The following PLCB1 variants were observed in gnomAD, a reference collection of about 807,000 sequenced individuals.
PLCB1 encodes the protein 1-phosphatidylinositol 4,5-bisphosphate phosphodiesterase beta-1.
In PLCB1, 46 loss-of-function variants were observed where a neutral mutation model predicts 161.8. The observed-to-expected ratio is 0.28, with a 90% CI of 0.22 to 0.36. The LOEUF (loss-of-function observed/expected upper bound fraction) is 0.36, where lower values mean the gene tolerates loss of function less well. PLCB1 is among the 10% of genes least tolerant of loss of function. The pLI is 1.00. For synonymous variants in PLCB1, 517 were observed against 503.7 expected (o/e 1.03, Z -0.35); for missense variants, 1,016 against 1,472.5 (o/e 0.69, Z 5.07).
intron 3 of PLCB1, among the ~76,000 whole-genome samples, chr20:8,541,811 A>T (rs1401667040): frequency 6.6e-6 from 1 of 152,208 alleles, no homozygotes; most frequent in Non-Finnish European, 1.5e-5. Context: ...CAATGTCTCA[A>T]ATCTGGAAGC....
At chr20:8,715,878 A>C (rs1442221274) in intron 12 of PLCB1, 1 of 178,846 alleles carries the variant, frequency 5.6e-6, no homozygotes, top group African/African-American at 2.3e-5. Flanking sequence ...ATTTCACTTG[A>C]TAATTTACAT....
At chr20:8,250,547 A>T (rs903581503) in intron 2 of PLCB1, among the ~76,000 whole-genome samples, 5 of 142,326 alleles carry the variant, frequency 3.5e-5, no homozygotes, top group Non-Finnish European at 6.5e-5. Flanking sequence ...CTTTCCTTTT[A>T]AAAAAAAATC....
intron 3 of PLCB1, among the ~76,000 whole-genome samples, chr20:8,523,088 T>A (rs1489293932): frequency 1.3e-5 from 2 of 152,122 alleles, no homozygotes; most frequent in African/African-American, 4.8e-5. Flanking sequence ...CATCATCCTC[T>A]ACAGAAGTGA....
At chr20:8,481,685 C>T (rs1458009254) in intron 3 of PLCB1, among the ~76,000 whole-genome samples, 2 of 152,238 alleles carry the variant, frequency 1.3e-5, no homozygotes, top group African/African-American at 2.4e-5. Context: ...TAATTGTTCT[C>T]CCCCAACTAG....
rs996672211 is a variant in PLCB1 at position 8,270,521 on chromosome 20, T to G, written c.178-100861T>G. Reference sequence around the variant, plus strand: ...AGGTTTGGGGAATTTTGGACAGAGATTTTCATATATGTTACAGCATCTTCA... The same window carrying G: ...AGGTTTGGGGAATTTTGGACAGAGAGTTTCATATATGTTACAGCATCTTCA... On this transcript the variant is annotated intron_variant, in intron 2 of 31. Coordinates refer to ENST00000338037, the MANE Select transcript of PLCB1 (RefSeq NM_015192.4). Among the ~76,000 whole-genome samples the G allele has an allele frequency of 3.3e-4, 50 of 152,106 alleles. 1 individual carries two copies. Among genetic ancestry groups the G allele is most frequent in the Non-Finnish European group, 6.5e-4 (44 of 68,000 alleles).
intron 3 of PLCB1, among the ~76,000 whole-genome samples, chr20:8,438,401 T>G (rs2122602519): frequency 6.6e-6 from 1 of 152,242 alleles, no homozygotes; most frequent in Non-Finnish European, 1.5e-5. Context: ...AGAAGCAAAG[T>G]AAAACACTGG....
At chr20:8,530,088 T>C (rs1984742772) in intron 3 of PLCB1, among the ~76,000 whole-genome samples, 1 of 152,142 alleles carries the variant, frequency 6.6e-6, no homozygotes, top group South Asian at 2.1e-4. Context: ...AAAATGTGAA[T>C]GTTCTGGACT....
chr20:8,485,988 C>A (rs780190095), intron 3 of PLCB1, among the ~76,000 whole-genome samples: 2 of 151,802 alleles, frequency 1.3e-5, no homozygotes, highest in Non-Finnish European at 2.9e-5. Flanking sequence ...AGGAAACTTA[C>A]AATCGTGGTG....
chr20:8,652,502 CAAT>C (rs986468160), intron 7 of PLCB1: 6 of 152,052 alleles, frequency 3.9e-5, no homozygotes, highest in African/African-American at 1.4e-4. Flanking sequence ...TCCTACATAA[CAAT>C]GACTCTAGAA....
At chr20:8,634,913 T>C (rs1300044089) in intron 4 of PLCB1, among the ~76,000 whole-genome samples, 1 of 152,190 alleles carries the variant, frequency 6.6e-6, no homozygotes, top group African/African-American at 2.4e-5. Context: ...AATTGTAATA[T>C]TAATGCCTTT....
At chr20:8,645,618 T>C (rs898188010) in intron 4 of PLCB1, among the ~76,000 whole-genome samples, 3 of 152,236 alleles carry the variant, frequency 2.0e-5, no homozygotes, top group African/African-American at 7.2e-5. Flanking sequence ...TTGCATATTA[T>C]GTGGCCTTGT....
chr20:8,847,397 G>C (rs1986727882), intron 31 of PLCB1, among the ~76,000 whole-genome samples: 1 of 152,086 alleles, frequency 6.6e-6, no homozygotes, highest in Non-Finnish European at 1.5e-5. Context: ...CCAGCCCTTG[G>C]TCACTCTTGA....
chr20:8,675,439 T>G (rs1388121681), intron 9 of PLCB1, among the ~76,000 whole-genome samples: 5 of 152,118 alleles, frequency 3.3e-5, no homozygotes, highest in African/African-American at 1.2e-4. Flanking sequence ...CACTGCATAC[T>G]TCTCATTAGA....
chr20:8,357,386 T>C (rs1986394497), intron 2 of PLCB1, among the ~76,000 whole-genome samples: 2 of 152,198 alleles, frequency 1.3e-5, no homozygotes, highest in Non-Finnish European at 2.9e-5. Flanking sequence ...AGCAAAAAGA[T>C]ACCTCACAGA....
At chr20:8,155,031 A>C (rs2051545321) in intron 2 of PLCB1, among the ~76,000 whole-genome samples, 1 of 152,152 alleles carries the variant, frequency 6.6e-6, no homozygotes, top group African/African-American at 2.4e-5. Context: ...TATTATGAGG[A>C]CTGGTGTAAG....
intron 2 of PLCB1, among the ~76,000 whole-genome samples, chr20:8,329,650 A>T (rs1985293165): frequency 6.6e-6 from 1 of 152,208 alleles, no homozygotes; most frequent in African/African-American, 2.4e-5. Context: ...CACTGATGGC[A>T]TAATGTCTTC....
chr20:8,450,687 T>C (rs1482860418), intron 3 of PLCB1, among the ~76,000 whole-genome samples: 1 of 152,234 alleles, frequency 6.6e-6, no homozygotes, highest in African/African-American at 2.4e-5. Flanking sequence ...GACTCTGTAC[T>C]TAGCGAGGCA....
intron 3 of PLCB1, among the ~76,000 whole-genome samples, chr20:8,511,698 T>G (rs1983900907): frequency 6.6e-6 from 1 of 152,194 alleles, no homozygotes; most frequent in Non-Finnish European, 1.5e-5. Context: ...TCTTTTGTCT[T>G]TTTGATGATA....
intron 1 of PLCB1, among the ~76,000 whole-genome samples, chr20:8,135,831 G>T (rs192517923): frequency 6.6e-6 from 1 of 152,302 alleles, no homozygotes; most frequent in East Asian, 1.9e-4. Flanking sequence ...GGTAGGAGGT[G>T]GGTGTAAAGG....
Sources: gnomAD v4.1 joint callset for allele counts (sites outside exome capture counted in the v4.1 genomes callset) on GRCh38, gnomAD v4.1.1 for gene constraint, MANE v1.5 for transcripts, NCBI Gene and HGNC (gene_info 2026-07-23, HGNC 2026-07-21) for gene names.